Variants in EIF3I observed in about 807,000 individuals in gnomAD.
EIF3I encodes TGF-beta receptor-interacting protein 1.
A neutral mutation model predicts 43.3 loss-of-function variants in EIF3I; 20 were observed. The ratio of observed to expected loss-of-function variants is 0.46; its 90% CI spans 0.32 to 0.67. The LOEUF is 0.67. Among genes scored for constraint, EIF3I ranks in the 30% least tolerant of loss-of-function variants. EIF3I has a pLI of 0.03. For synonymous variants in EIF3I, 167 were observed against 151.7 expected, an observed-to-expected ratio of 1.10 and a Z score of -0.74; for missense variants, 279 against 421.4, an observed-to-expected ratio of 0.66 and a Z score of 2.96.
exon 2 of EIF3I, chr1:32,222,580 A>T (rs1167979398): frequency 6.2e-7 from 1 of 1,614,056 alleles, no homozygotes; most frequent in African/African-American, 1.3e-5. Flanking sequence ...CATTACGCAG[A>T]TTAAGTATAA....
At chr1:32,229,389 C>T (rs909049423) in intron 9 of EIF3I, among the ~76,000 whole-genome samples, 181 bp downstream of exon 9, 5 of 151,474 alleles carry the variant, frequency 3.3e-5, no homozygotes, top group African/African-American at 4.9e-5. Context: ...GCGGCCCAGG[C>T]GCCCACCACC....
chr1:32,225,443 T>C (rs1309362911), intron 4 of EIF3I, among the ~76,000 whole-genome samples: 1 of 152,076 alleles, frequency 6.6e-6, no homozygotes, highest in African/African-American at 2.4e-5. Flanking sequence ...AGAGTCTAGG[T>C]AAGAAGTTAA....
At chr1:32,227,070 C>G (rs1639158704) in intron 6 of EIF3I, among the ~76,000 whole-genome samples, 1 of 151,322 alleles carries the variant, frequency 6.6e-6, no homozygotes, top group African/African-American at 2.4e-5. Context: ...GACCTCCTGA[C>G]CTCAGATGAT....
At chr1:32,230,725 G>A (rs1021012084) in intron 10 of EIF3I, among the ~76,000 whole-genome samples, 7 of 152,138 alleles carry the variant, frequency 4.6e-5, no homozygotes, top group Non-Finnish European at 1.0e-4. Flanking sequence ...TCAGGAGGCT[G>A]AGGCAGGAGA....
rs571123805 is a variant in EIF3I at position 32,229,011 on chromosome 1, A to T, written c.730-124A>T. 853 of 1,169,938 alleles carry T rather than the reference A, an allele frequency of 7.3e-4. 1 individual carries two copies. Among genetic ancestry groups the T allele is most frequent in the Non-Finnish European group, 9.9e-4 (807 of 813,220 alleles). 72.5% of individuals were successfully genotyped at this position (1,169,938 alleles called of 1,614,324 possible). On this transcript the variant is annotated intron_variant, in intron 8 of 11. Transcript: ENST00000676679. ...CAGGAGGTGGCAGAAGTGTCTGATC[A>T]TCCCCTACCTTTGGTATCCTCCCAT...
At chr1:32,229,911 C>T (rs930060360) in intron 9 of EIF3I, among the ~76,000 whole-genome samples, 2 of 152,102 alleles carry the variant, frequency 1.3e-5, no homozygotes, top group African/African-American at 4.8e-5. Context: ...TGACAATATA[C>T]TTAACATAAA....
chr1:32,223,840 CCT>C (rs1398222138), intron 2 of EIF3I, among the ~76,000 whole-genome samples, 192 bp from the exon 3 acceptor site: 2 of 152,196 alleles, frequency 1.3e-5, no homozygotes, highest in Non-Finnish European at 2.9e-5. Flanking sequence ...CCGCCTGACT[CCT>C]CTGTTGCTTC....
intron 4 of EIF3I, 89 bp from the exon 5 acceptor site, chr1:32,226,082 C>T: frequency 6.7e-7 from 1 of 1,494,566 alleles, no homozygotes; most frequent in Non-Finnish European, 9.1e-7. Context: ...TGGAGCAAGA[C>T]AAACAGTGAG....
chr1:32,222,431 T>G, exon 1 of EIF3I: 1 of 1,597,222 alleles, frequency 6.3e-7, no homozygotes, highest in Non-Finnish European at 8.6e-7. Context: ...CTTCCTCGCG[T>G]CACAGCCGGG....
exon 12 of EIF3I, chr1:32,231,285 G>A: frequency 8.2e-7 from 1 of 1,220,266 alleles, no homozygotes; most frequent in South Asian, 1.3e-5. Flanking sequence ...GAGGTCAGGA[G>A]TTTAAGACCA....
chr1:32,233,150 C>T (rs1004087076), downstream of EIF3I, among the ~76,000 whole-genome samples: 10 of 152,004 alleles, frequency 6.6e-5, no homozygotes, highest in East Asian at 5.8e-4. Context: ...TGTGCCAACA[C>T]GCCCGGCTAA....
intron 10 of EIF3I, 39 bp from the exon 10 acceptor site, chr1:32,230,888 A>T: frequency 6.7e-7 from 1 of 1,490,266 alleles, no homozygotes; most frequent in Non-Finnish European, 9.2e-7. Context: ...GTTTTGGAAG[A>T]AGATAGAAAG....
At chr1:32,228,956 G>A (rs541413133) in intron 8 of EIF3I, 140 bp downstream of exon 8, 16 of 1,059,934 alleles carry the variant, frequency 1.5e-5, no homozygotes, top group Non-Finnish European at 2.1e-5. Flanking sequence ...TGACAAAGCT[G>A]GAAGGATTGA....
At chr1:32,225,752 G>T (rs1159580676) in intron 4 of EIF3I, among the ~76,000 whole-genome samples, 1 of 151,960 alleles carries the variant, frequency 6.6e-6, no homozygotes, top group Non-Finnish European at 1.5e-5. Flanking sequence ...GCCGGGCGCG[G>T]TGGCTCACAC....
At chr1:32,229,335 A>C in intron 9 of EIF3I, 127 bp downstream of exon 9, 1 of 956,312 alleles carries the variant, frequency 1.0e-6, no homozygotes, top group Non-Finnish European at 1.5e-6. Flanking sequence ...ATCTCTGCTC[A>C]CTGCAAGCTC....
chr1:32,233,024 C>T (rs771111034), downstream of EIF3I, among the ~76,000 whole-genome samples: 51 of 152,288 alleles, frequency 3.3e-4, no homozygotes, highest in Non-Finnish European at 5.3e-4. Flanking sequence ...AATGGAGTCC[C>T]ACCCTGTTGC....
downstream of EIF3I, among the ~76,000 whole-genome samples, chr1:32,232,396 TATTTA>T (rs978419968): frequency 1.3e-5 from 2 of 152,228 alleles, no homozygotes; most frequent in Non-Finnish European, 2.9e-5. Flanking sequence ...TAAGGAGTTC[TATTTA>T]AAGGGAGAAA....
intron 4 of EIF3I, 28 bp from the exon 5 acceptor site, chr1:32,226,143 G>C: frequency 1.2e-6 from 2 of 1,612,178 alleles, no homozygotes; most frequent in Non-Finnish European, 1.7e-6. Flanking sequence ...GCAATGGATG[G>C]TGTAGCCCAG....
At chr1:32,222,714 G>C (rs1042507407) in intron 2 of EIF3I, 84 bp downstream of exon 2, 13 of 1,409,790 alleles carry the variant, frequency 9.2e-6, no homozygotes. Context: ...TGCCGTTAGC[G>C]GGGAACCAAA....
Sources: allele counts gnomAD v4.1 joint callset (sites outside exome capture counted in the v4.1 genomes callset), GRCh38; gene constraint gnomAD v4.1.1; transcripts MANE v1.5; gene names NCBI Gene and HGNC (gene_info 2026-07-23, HGNC 2026-07-21).